The following CACNA1A variants were observed in gnomAD, a reference collection of about 807,000 sequenced individuals.
The protein encoded by CACNA1A is calcium voltage-gated channel subunit alpha1 A.
CACNA1A carries 57 observed loss-of-function variants against 262.4 expected under a neutral mutation model. That is an observed-to-expected ratio of 0.22 (90% CI 0.18 to 0.27). CACNA1A has a LOEUF of 0.27. Ranked by LOEUF, CACNA1A falls within the 10% of genes least tolerant of loss-of-function variation. The pLI is 1.00. For missense variants in CACNA1A, 2,526 were observed against 3,562.8 expected, an observed-to-expected ratio of 0.71 and a Z score of 7.41; for synonymous variants, 1,431 against 1,419.3, an observed-to-expected ratio of 1.01 and a Z score of -0.18.
At chr19:13,356,823 T>G (rs1445124430) in intron 6 of CACNA1A, among the ~76,000 whole-genome samples, 1 of 152,112 alleles carries the variant, frequency 6.6e-6, no homozygotes, top group Non-Finnish European at 1.5e-5. Context: ...CCCACAAAAA[T>G]TCCCCAGTGA....
intron 3 of CACNA1A, among the ~76,000 whole-genome samples, chr19:13,393,771 C>CTCCCTCCTTCCTTCCTTCCT (rs1568602659): frequency 1.3e-5 from 1 of 74,998 alleles, no homozygotes. Context: ...CCTTCCCTCC[C>CTCCCTCCTTCCTTCCTTCCT]TCCCTCCCTC....
intron 6 of CACNA1A, among the ~76,000 whole-genome samples, chr19:13,343,535 C>T (rs927482451): frequency 2.0e-4 from 30 of 152,062 alleles, no homozygotes; most frequent in Admixed American, 2.0e-4. Context: ...ATACATTCTT[C>T]TCATCAGCAC....
intron 6 of CACNA1A, among the ~76,000 whole-genome samples, chr19:13,348,186 G>C (rs1449254634): frequency 6.6e-6 from 1 of 152,162 alleles, no homozygotes; most frequent in East Asian, 1.9e-4. Context: ...GCTTCTCAAA[G>C]GGCTGGGATT....
At chr19:13,497,527 T>C (rs1263333903) in intron 1 of CACNA1A, among the ~76,000 whole-genome samples, 1 of 1,098 alleles carries the variant, frequency 9.1e-4, no homozygotes, top group Non-Finnish European at 1.4e-3. Context: ...AAAAAATATA[T>C]ATATATATAT....
chr19:13,484,802 C>G (rs1979781560), intron 1 of CACNA1A, among the ~76,000 whole-genome samples: 1 of 152,324 alleles, frequency 6.6e-6, no homozygotes, highest in Admixed American at 6.5e-5. Flanking sequence ...ATTCCCACCC[C>G]TACAATAGCA....
Position 13,283,416 on chromosome 19 carries a change from G to A in CACNA1A, c.3693-20C>T, listed in dbSNP as rs200082880. The A allele has an allele frequency of 2.8e-4, 456 of 1,613,468 alleles. No individual in the cohort carries two copies. The highest frequency in any genetic ancestry group is 1.5e-4 in the Non-Finnish European group (180 of 1,179,668). On this transcript the variant is annotated intron_variant, in intron 21 of 46. Coordinates refer to ENST00000360228, the MANE Select transcript of CACNA1A (RefSeq NM_001127222.2). ...CGAAGGCTGTTGGAGACAGATGGGC[G>A]TGCAGAGGTCCACTCAGACCACAGG...
intron 11 of CACNA1A, among the ~76,000 whole-genome samples, chr19:13,313,217 G>C (rs965668077): frequency 6.6e-6 from 1 of 151,966 alleles, no homozygotes; most frequent in African/African-American, 2.4e-5. Flanking sequence ...AAAAGGAAGA[G>C]CTGGCTGGGC....
At chr19:13,393,258 A>G (rs2059741583) in intron 3 of CACNA1A, among the ~76,000 whole-genome samples, 1 of 152,242 alleles carries the variant, frequency 6.6e-6, no homozygotes, top group Admixed American at 6.5e-5. Flanking sequence ...TTAGTAGAGT[A>G]AATGAACAGG....
intron 1 of CACNA1A, among the ~76,000 whole-genome samples, chr19:13,488,733 G>A (rs1007821840): frequency 2.0e-5 from 3 of 151,952 alleles, no homozygotes; most frequent in African/African-American, 7.3e-5. Context: ...TGATTAGAAG[G>A]TGCAGTCAAG....
chr19:13,278,924 C>G (rs1207966490), intron 22 of CACNA1A, among the ~76,000 whole-genome samples: 2 of 151,894 alleles, frequency 1.3e-5, no homozygotes, highest in Non-Finnish European at 2.9e-5. Flanking sequence ...GCTTGAAAGA[C>G]CTGGGTGGGC....
In CACNA1A at chr19:13,312,787, AG is replaced by A; in HGVS notation, c.1556-7del. ...GAAAATGAATTCTGCATAGTCTAGA[AG>A]GGAGAAGGAGGAAACAGAGAGGAGG... On this transcript the variant is annotated splice_region_variant and splice_polypyrimidine_tract_variant and intron_variant, in intron 11 of 46. Transcript: ENST00000360228. 6.9e-7 allele frequency: 1 copy of A among 1,441,170 alleles called. No homozygotes were observed. Among genetic ancestry groups the A allele is most frequent in the Non-Finnish European group, 9.5e-7 (1 of 1,054,242 alleles). 89.3% of individuals were successfully genotyped at this position (1,441,170 alleles called of 1,614,324 possible).
intron 3 of CACNA1A, among the ~76,000 whole-genome samples, chr19:13,402,430 T>A (rs1344772298): frequency 1.3e-5 from 2 of 152,012 alleles, no homozygotes; most frequent in African/African-American, 4.8e-5. Context: ...ACAAATATGG[T>A]GCAGTGTATA....
At chr19:13,473,512 A>C (rs924816975) in intron 1 of CACNA1A, among the ~76,000 whole-genome samples, 1 of 152,238 alleles carries the variant, frequency 6.6e-6, no homozygotes, top group African/African-American at 2.4e-5. Flanking sequence ...ATGTTGTTTT[A>C]AGCCATATAG....
intron 24 of CACNA1A, among the ~76,000 whole-genome samples, chr19:13,263,981 G>A (rs2056803657): frequency 6.6e-6 from 1 of 152,140 alleles, no homozygotes; most frequent in Non-Finnish European, 1.5e-5. Flanking sequence ...AAATAACCGG[G>A]TGCCGCTGTT....
At chr19:13,373,706 T>C (rs554073513) in intron 3 of CACNA1A, among the ~76,000 whole-genome samples, 1 of 152,336 alleles carries the variant, frequency 6.6e-6, no homozygotes, top group East Asian at 1.9e-4. Flanking sequence ...TGGGTCATCC[T>C]AAACTAACAC....
intron 21 of CACNA1A, among the ~76,000 whole-genome samples, chr19:13,284,808 T>C (rs2057365024): frequency 6.6e-6 from 1 of 152,250 alleles, no homozygotes; most frequent in Non-Finnish European, 1.5e-5. Context: ...TTTGTTTATT[T>C]ATGACAAATT....
rs185253938 is a variant in CACNA1A at position 13,375,742 on chromosome 19, T to C, written c.540-3963A>G. On this transcript the variant is annotated intron_variant, in intron 3 of 46. Coordinates refer to ENST00000360228, the MANE Select transcript of CACNA1A (RefSeq NM_001127222.2). ...AGTCAAGGCTGCAGTGAGCGGTGAT[T>C]GCACCACTGCACTCCAGCCTGGGCA... 7.2e-5 allele frequency among the ~76,000 whole-genome samples: 11 copies of C among 152,200 alleles called. 1 individual carries two copies. Among genetic ancestry groups the C allele is most frequent in the African/African-American group, 2.4e-4 (10 of 41,560 alleles).
intron 6 of CACNA1A, among the ~76,000 whole-genome samples, chr19:13,351,728 T>C (rs2058912109): frequency 6.6e-6 from 1 of 152,154 alleles, no homozygotes; most frequent in African/African-American, 2.4e-5. Context: ...CAGGCTGGTC[T>C]CGAATTCCTG....
intron 1 of CACNA1A, among the ~76,000 whole-genome samples, chr19:13,469,289 G>A (rs1599325538): frequency 6.6e-6 from 1 of 152,078 alleles, no homozygotes; most frequent in Admixed American, 6.6e-5. Flanking sequence ...ATTTCCCTGT[G>A]GAGAGACCAT....
Sources: allele counts gnomAD v4.1 joint callset (sites outside exome capture counted in the v4.1 genomes callset), GRCh38; gene constraint gnomAD v4.1.1; transcripts MANE v1.5; gene names NCBI Gene and HGNC (gene_info 2026-07-23, HGNC 2026-07-21).